Variants in LRRTM4 observed in about 807,000 individuals in gnomAD.
LRRTM4 encodes leucine rich repeat transmembrane neuronal 4.
Under a neutral mutation model 47.6 loss-of-function variants are expected in LRRTM4, and 25 were observed. The ratio of observed to expected loss-of-function variants is 0.53; its 90% CI spans 0.38 to 0.73. The LOEUF (loss-of-function observed/expected upper bound fraction) is 0.73, where lower values mean the gene tolerates loss of function less well. Ranked by LOEUF, LRRTM4 falls within the 30% of genes least tolerant of loss-of-function variation. The pLI, the probability that LRRTM4 is intolerant of heterozygous loss-of-function variation, is 0.00. For synonymous variants in LRRTM4, 311 were observed against 269.5 expected, an observed-to-expected ratio of 1.15 and a Z score of -1.51; for missense variants, 638 against 713.4, an observed-to-expected ratio of 0.89 and a Z score of 1.20.
chr2:77,236,489 T>G (rs1459347261), intron 3 of LRRTM4, among the ~76,000 whole-genome samples: 1 of 151,952 alleles, frequency 6.6e-6, no homozygotes, highest in Non-Finnish European at 1.5e-5. Context: ...ACTTCATTTT[T>G]TTTTTCCATT....
intron 3 of LRRTM4, among the ~76,000 whole-genome samples, chr2:76,761,345 G>A (rs907465323): frequency 6.6e-6 from 1 of 152,078 alleles, no homozygotes. Flanking sequence ...TCTTCACTTG[G>A]CCCTATTTAT....
At chr2:76,829,764 T>C (rs1329293521) in intron 3 of LRRTM4, among the ~76,000 whole-genome samples, 5 of 152,034 alleles carry the variant, frequency 3.3e-5, no homozygotes, top group African/African-American at 1.2e-4. Context: ...TGTATTCTGG[T>C]GTTTTAGCAG....
chr2:76,772,545 GTC>G (rs1166064424), intron 3 of LRRTM4, among the ~76,000 whole-genome samples: 3 of 152,138 alleles, frequency 2.0e-5, no homozygotes, highest in Non-Finnish European at 4.4e-5. Flanking sequence ...GAACATGACA[GTC>G]TCAATTTGAC....
chr2:77,402,652 T>C (rs1267104755), intron 3 of LRRTM4, among the ~76,000 whole-genome samples: 2 of 152,024 alleles, frequency 1.3e-5, no homozygotes, highest in Non-Finnish European at 2.9e-5. Flanking sequence ...CTATCAAAGT[T>C]GTTCCTTTAC....
At chr2:77,394,370 C>G (rs1673619641) in intron 3 of LRRTM4, among the ~76,000 whole-genome samples, 1 of 151,866 alleles carries the variant, frequency 6.6e-6, no homozygotes, top group Admixed American at 6.6e-5. Flanking sequence ...TGTATTTTCA[C>G]TTTTGGAAAA....
At chr2:76,990,466 C>A (rs1558782224) in intron 3 of LRRTM4, among the ~76,000 whole-genome samples, 1 of 151,574 alleles carries the variant, frequency 6.6e-6, no homozygotes, top group East Asian at 1.9e-4. Flanking sequence ...ATGTGTCAGG[C>A]AGATGGAAAA....
At chr2:77,069,602 G>A (rs932710348) in intron 3 of LRRTM4, among the ~76,000 whole-genome samples, 5 of 152,054 alleles carry the variant, frequency 3.3e-5, no homozygotes, top group African/African-American at 1.2e-4. Context: ...ATTACTTCGT[G>A]GGGGTAATGT....
chr2:77,418,488 T>A (rs1391104297), intron 3 of LRRTM4, among the ~76,000 whole-genome samples: 1 of 152,218 alleles, frequency 6.6e-6, no homozygotes, highest in African/African-American at 2.4e-5. Context: ...GAGACTGAAG[T>A]AAGGCTTTGG....
At chr2:77,316,623 T>C (rs111807552) in intron 3 of LRRTM4, among the ~76,000 whole-genome samples, 17 of 152,050 alleles carry the variant, frequency 1.1e-4, no homozygotes, top group Non-Finnish European at 2.2e-4. Flanking sequence ...CCCCAGCTCA[T>C]TGCAACCCCT....
chr2:77,499,657 A>T (rs1003380402), intron 3 of LRRTM4, among the ~76,000 whole-genome samples: 1 of 151,958 alleles, frequency 6.6e-6, no homozygotes, highest in South Asian at 2.1e-4. Flanking sequence ...ACAACAAAAA[A>T]GCTTACGACT....
At chr2:77,164,803 C>T (rs1672832988) in intron 3 of LRRTM4, among the ~76,000 whole-genome samples, 2 of 152,166 alleles carry the variant, frequency 1.3e-5, no homozygotes, top group South Asian at 2.1e-4. Flanking sequence ...CTCTGGGACA[C>T]ATTTAAAGCA....
At chr2:77,210,215 A>G (rs1181264846) in intron 3 of LRRTM4, among the ~76,000 whole-genome samples, 1 of 152,134 alleles carries the variant, frequency 6.6e-6, no homozygotes, top group East Asian at 1.9e-4. Context: ...GGGCCTCATG[A>G]TGTCTCTTTT....
intron 3 of LRRTM4, among the ~76,000 whole-genome samples, chr2:77,319,433 T>C (rs968004005): frequency 1.3e-5 from 2 of 151,616 alleles, no homozygotes; most frequent in East Asian, 1.9e-4. Flanking sequence ...AAAAATTAAA[T>C]AATTTAGCTA....
intron 3 of LRRTM4, among the ~76,000 whole-genome samples, chr2:76,779,636 A>AT (rs1674235726): frequency 6.6e-6 from 1 of 150,606 alleles, no homozygotes; most frequent in Non-Finnish European, 1.5e-5. Context: ...CCATCCTTTT[A>AT]TTTTGAGCCT....
chr2:77,243,169 T>C (rs1322574118), intron 3 of LRRTM4, among the ~76,000 whole-genome samples: 1 of 152,030 alleles, frequency 6.6e-6, no homozygotes, highest in African/African-American at 2.4e-5. Flanking sequence ...TCCCAGCACT[T>C]TGGGAGGCCG....
intron 3 of LRRTM4, among the ~76,000 whole-genome samples, chr2:76,957,671 G>GT (rs1262647627): frequency 9.9e-5 from 15 of 151,526 alleles, no homozygotes; most frequent in Non-Finnish European, 1.5e-4. Flanking sequence ...GGATTTAATA[G>GT]TACCTCAGGA....
At chr2:77,445,791 G>A (rs1351232228) in intron 3 of LRRTM4, among the ~76,000 whole-genome samples, 2 of 151,968 alleles carry the variant, frequency 1.3e-5, no homozygotes, top group Admixed American at 6.6e-5. Flanking sequence ...TGTGTGGCTT[G>A]GGTGTTTAAC....
chr2:77,482,453 C>CACACACACACAT (rs70956635), intron 3 of LRRTM4, among the ~76,000 whole-genome samples: 5 of 151,604 alleles, frequency 3.3e-5, no homozygotes, highest in South Asian at 2.1e-4. Flanking sequence ...CACACACACA[C>CACACACACACAT]ACACACAGAG....
intron 3 of LRRTM4, among the ~76,000 whole-genome samples, chr2:77,340,502 A>G (rs904617329): frequency 6.6e-6 from 1 of 152,004 alleles, no homozygotes; most frequent in Non-Finnish European, 1.5e-5. Context: ...CATCAAATAT[A>G]AACTTAAATG....
Sources: gnomAD v4.1 joint callset for allele counts (sites outside exome capture counted in the v4.1 genomes callset) on GRCh38, gnomAD v4.1.1 for gene constraint, MANE v1.5 for transcripts, NCBI Gene and HGNC (gene_info 2026-07-23, HGNC 2026-07-21) for gene names.